The following CLRN3 variants were observed in gnomAD, a reference collection of about 807,000 sequenced individuals.
CLRN3 encodes clarin 3, also known as clarin-3.
In CLRN3, 12 loss-of-function variants were observed where a neutral mutation model predicts 16.7. The observed-to-expected ratio is 0.72, with a 90% CI of 0.46 to 1.16. CLRN3 has a LOEUF of 1.16. CLRN3 is among the 50% of genes most tolerant of loss of function. The probability of loss-of-function intolerance (pLI) is 0.00; values close to 1 mark genes in which losing one functional copy is unlikely to be tolerated. For synonymous variants in CLRN3, 118 were observed against 113.0 expected, an observed-to-expected ratio of 1.04 and a Z score of -0.28; for missense variants, 296 against 274.2, an observed-to-expected ratio of 1.08 and a Z score of -0.56.
chr10:127,878,260 TAGA>T lies in CLRN3; in HGVS notation c.567_569del (p.Leu190del). ...TGATGATGGTTACAGTGACTATATT[TAGA>T]AGAATGACGAGCAGTATGAGCCAGA... On this transcript the variant is annotated inframe_deletion, in exon 3 of 3. Transcript: ENST00000368671. 2 of 1,614,230 alleles carry T rather than the reference TAGA, an allele frequency of 1.2e-6. No homozygotes were observed. The highest frequency in any genetic ancestry group is 1.7e-6 in the Non-Finnish European group (2 of 1,180,038).
At chr10:127,889,822 C>T (rs1349044511) in intron 1 of CLRN3, among the ~76,000 whole-genome samples, 1 of 152,226 alleles carries the variant, frequency 6.6e-6, no homozygotes. Context: ...CATTGTGCTT[C>T]CGGGGCCCTG....
intron 2 of CLRN3, among the ~76,000 whole-genome samples, chr10:127,881,183 C>G (rs1022577274): frequency 6.6e-6 from 1 of 152,216 alleles, no homozygotes; most frequent in Admixed American, 6.5e-5. Context: ...CTGCCCACCT[C>G]ACAGCCTCCC....
chr10:127,883,966 AGTTACTG>A, intron 1 of CLRN3, 91 bp from the exon 2 acceptor site: 1 of 1,232,228 alleles, frequency 8.1e-7, no homozygotes, highest in Non-Finnish European at 1.2e-6. Flanking sequence ...TAGTGACTTG[AGTTACTG>A]GTTGTTGGAT....
At chr10:127,884,031 C>T (rs574274638) in intron 1 of CLRN3, 156 bp from the exon 2 acceptor site, 40 of 683,080 alleles carry the variant, frequency 5.9e-5, no homozygotes, top group Non-Finnish European at 8.5e-5. Flanking sequence ...GAACAAGACC[C>T]GCATTCCCCA....
chr10:127,892,545 T>C lies in CLRN3; in HGVS notation c.229+11A>G. The C allele has an allele frequency of 1.5e-6, 2 of 1,378,478 alleles. No homozygotes were observed. The highest frequency in any genetic ancestry group is 1.8e-4 in the Middle Eastern group (1 of 5,616). 85.4% of individuals were successfully genotyped at this position (1,378,478 alleles called of 1,614,324 possible). A position where few individuals can be genotyped will look rare whatever the true frequency, so the allele number is the denominator to read the frequency against. Reference sequence around the variant, plus strand: ...TCTCACTATATTCATTCAAATTAGTTTATCATTTACCTGCAAACTTTTTCT... The same window carrying C: ...TCTCACTATATTCATTCAAATTAGTCTATCATTTACCTGCAAACTTTTTCT... On this transcript the variant is annotated intron_variant, in intron 1 of 2. Transcript: ENST00000368671.
At chr10:127,889,996 C>T (rs1285352183) in intron 1 of CLRN3, among the ~76,000 whole-genome samples, 1 of 152,168 alleles carries the variant, frequency 6.6e-6, no homozygotes, top group East Asian at 1.9e-4. Flanking sequence ...ACATGCATTT[C>T]CCCCAACCCC....
intron 2 of CLRN3, among the ~76,000 whole-genome samples, chr10:127,881,844 T>A (rs150249411): frequency 3.3e-5 from 5 of 152,328 alleles, no homozygotes; most frequent in Middle Eastern, 3.4e-3. Context: ...TAATGAATGA[T>A]GGAGTCAACG....
At position 127,892,715 on chromosome 10, in the gene CLRN3, T is replaced by C. The variant is rs774294383; in HGVS notation, c.70A>G (p.Ile24Val). 1.2e-6 allele frequency: 2 copies of C among 1,613,784 alleles called. No individual in the cohort carries two copies. The highest frequency in any genetic ancestry group is 2.2e-5 in the South Asian group (2 of 91,072). ...GCTTGTGTCCCAAGAATAGAGCAAATTACAATGAAGGACCCAAGGCTGGTG... is the reference window on the plus strand; with the variant it reads ...GCTTGTGTCCCAAGAATAGAGCAAACTACAATGAAGGACCCAAGGCTGGTG... ...FFTSLGSFIV[I>V]CSILGTQAWI... Residue 24 changes from isoleucine to valine, a missense_variant, in exon 1 of 3, where the codon ATT (isoleucine) becomes GTT (valine). Transcript: ENST00000368671.
chr10:127,879,882 C>A (rs1271843663), intron 2 of CLRN3, among the ~76,000 whole-genome samples: 2 of 152,152 alleles, frequency 1.3e-5, no homozygotes, highest in Non-Finnish European at 2.9e-5. Flanking sequence ...GTCTGATACG[C>A]ACGGGGGCCG....
In CLRN3 at chr10:127,892,670, C is replaced by T. The variant is rs1230453303; in HGVS notation, c.115G>A (p.Ala39Thr). The change falls in exon 1 of 3, where the codon GCT becomes ACT. Residue 39 changes from alanine (A) to threonine (T), a missense_variant. Transcript: ENST00000368671. ...GTQAWITSTI[A>T]VRDSASNGSI... is the part of the protein sequence containing the mutation. ...CCATTTGAAGCAGAGTCTCTAACAG[C>T]AATTGTACTGGTGATCCATGCTTGT... is the stretch of plus-strand genomic sequence containing the variant. 1 of 1,611,504 alleles carries T rather than the reference C, an allele frequency of 6.2e-7. No individual in the cohort carries two copies. The highest frequency in any genetic ancestry group is 1.3e-5 in the African/African-American group (1 of 74,878).
At chr10:127,883,133 G>T (rs551573470) in intron 2 of CLRN3, among the ~76,000 whole-genome samples, 1 of 152,322 alleles carries the variant, frequency 6.6e-6, no homozygotes, top group South Asian at 2.1e-4. Context: ...CACAAAAAAG[G>T]TATTGCACCC....
At position 127,887,139 on chromosome 10, in the gene CLRN3, G is replaced by A. The variant is rs369791013; in HGVS notation, c.230-3264C>T. ...ACACACTTGTTTTGAAAGTAATAGA[G>A]GGGGACACCGGAGGAGAGAAGGAAA... On this transcript the variant is annotated intron_variant, in intron 1 of 2. Coordinates refer to ENST00000368671, the MANE Select transcript of CLRN3 (RefSeq NM_152311.5). 4.1e-5 allele frequency among the ~76,000 whole-genome samples: 6 copies of A among 146,516 alleles called. No homozygotes were observed. In the East Asian group the frequency reaches 7.7e-4, roughly 19 times the overall value.
chr10:127,887,066 C>T (rs1009171995), intron 1 of CLRN3, among the ~76,000 whole-genome samples: 1 of 152,166 alleles, frequency 6.6e-6, no homozygotes, highest in South Asian at 2.1e-4. Context: ...GCCTATTGCT[C>T]GCTGTGGAGG....
rs769642169 is a variant in CLRN3, at chr10:127,892,605, A to G, written c.180T>C (p.Ser60=). 6.2e-7 allele frequency: 1 copy of G among 1,612,598 alleles called. No homozygotes were observed. Residue 60 remains serine (S), a synonymous_variant, in exon 1 of 3, where the codon AGT becomes AGC. Transcript: ENST00000368671. The part of the protein sequence containing the change: ...FITYGLFRGE[S]SEELSHGLAE... Reference sequence around the variant, plus strand: ...CAAGTCCGTGACTCAATTCTTCACTACTCTCCCCACGAAAAAGTCCGTAAG... The same window carrying G: ...CAAGTCCGTGACTCAATTCTTCACTGCTCTCCCCACGAAAAAGTCCGTAAG...
In CLRN3 at chr10:127,892,790, C is replaced by T; in HGVS notation, c.-6G>A. 2 of 1,571,576 alleles carry T rather than the reference C, an allele frequency of 1.3e-6. No individual in the cohort carries two copies. Among genetic ancestry groups the T allele is most frequent in the Non-Finnish European group, 1.7e-6 (2 of 1,144,442 alleles). ...GTCTTCTTTGTGGTAGGCATTTTCACAGGAAAATAAGTTCTCTAGGACAAA... is the reference window on the plus strand; with the variant it reads ...GTCTTCTTTGTGGTAGGCATTTTCATAGGAAAATAAGTTCTCTAGGACAAA... On this transcript the variant is annotated 5_prime_UTR_variant, in exon 1 of 3. It adds an upstream start codon to the 5' untranslated region. Transcript: ENST00000368671.
intron 2 of CLRN3, among the ~76,000 whole-genome samples, chr10:127,879,259 C>T (rs1038505031): frequency 6.6e-6 from 1 of 152,120 alleles, no homozygotes; most frequent in African/African-American, 2.4e-5. Flanking sequence ...CAGGTATATG[C>T]CACCATGCTT....
chr10:127,887,814 T>A (rs577700221), intron 1 of CLRN3, among the ~76,000 whole-genome samples: 1 of 152,288 alleles, frequency 6.6e-6, no homozygotes, highest in Admixed American at 6.5e-5. Flanking sequence ...GCAAACACAT[T>A]CCGTTCTTTT....
intron 1 of CLRN3, among the ~76,000 whole-genome samples, chr10:127,888,641 C>T (rs1845224115): frequency 6.6e-6 from 1 of 152,120 alleles, no homozygotes; most frequent in African/African-American, 2.4e-5. Context: ...GGGGGAGTGC[C>T]AGATGGGGAG....
chr10:127,892,752 T>TAAG lies in CLRN3; in HGVS notation c.30_32dup (p.Phe10dup). On this transcript the variant is annotated inframe_insertion, in exon 1 of 3. Coordinates refer to ENST00000368671, the MANE Select transcript of CLRN3 (RefSeq NM_152311.5). Reference sequence around the variant, plus strand: ...ACCCAAGGCTGGTGAAAAAGCTTGATAAGAACATCAATGTCTTCTTTGTGG... The same window carrying TAAG: ...ACCCAAGGCTGGTGAAAAAGCTTGATAAGAAGAACATCAATGTCTTCTTTGTGG... The TAAG allele has an allele frequency of 6.2e-7, 1 of 1,613,074 alleles. No individual in the cohort carries two copies. Among genetic ancestry groups the TAAG allele is most frequent in the Non-Finnish European group, 8.5e-7 (1 of 1,179,446 alleles).
Sources: gnomAD v4.1 joint callset for allele counts (sites outside exome capture counted in the v4.1 genomes callset) on GRCh38, gnomAD v4.1.1 for gene constraint, MANE v1.5 for transcripts, NCBI Gene and HGNC (gene_info 2026-07-23, HGNC 2026-07-21) for gene names.